TMEM255B: variants seen among roughly 807,000 people sequenced by gnomAD.
TMEM255B encodes the protein family with sequence similarity 70, member B.
A neutral mutation model predicts 34.5 loss-of-function variants in TMEM255B; 35 were observed. The ratio of observed to expected loss-of-function variants is 1.01; its 90% CI spans 0.77 to 1.34. TMEM255B has a LOEUF of 1.34. TMEM255B is among the 40% of genes most tolerant of loss of function. TMEM255B has a pLI of 0.00. For synonymous variants in TMEM255B, 206 were observed against 201.2 expected (o/e 1.02, Z -0.20); for missense variants, 432 against 433.2 (o/e 1.00, Z 0.02).
intron 3 of TMEM255B, among the ~76,000 whole-genome samples, chr13:113,787,067 A>G (rs1354123836): frequency 2.0e-5 from 3 of 152,230 alleles, no homozygotes; most frequent in Admixed American, 6.5e-5. Context: ...GGACTCTGAC[A>G]CTTTAATGAA....
Position 113,814,292 on chromosome 13 carries a change from T to A in TMEM255B, c.*2389T>A, listed in dbSNP as rs1458092954. ...AGCAAAGTCACAGGAATAACCCTCC[T>A]TCCCCTCATGTCAGCCCTCGGTCGC... On this transcript the variant is annotated 3_prime_UTR_variant, in exon 9 of 9. Coordinates refer to ENST00000375353, the MANE Select transcript of TMEM255B (RefSeq NM_182614.4). The A allele has an allele frequency of 6.6e-6, 1 of 152,294 alleles. No homozygotes were observed. The highest frequency in any genetic ancestry group is 1.5e-5 in the Non-Finnish European group (1 of 68,102). 9.4% of individuals were successfully genotyped at this position (152,294 alleles called of 1,614,324 possible).
chr13:113,760,072 C>T (rs1350498548), intron 1 of TMEM255B, among the ~76,000 whole-genome samples: 1 of 152,114 alleles, frequency 6.6e-6, no homozygotes, highest in Non-Finnish European at 1.5e-5. Flanking sequence ...AAACAGAGTT[C>T]CCTAGAAAGT....
intron 3 of TMEM255B, among the ~76,000 whole-genome samples, chr13:113,783,108 C>T (rs1288013511): frequency 6.6e-6 from 1 of 152,016 alleles, no homozygotes; most frequent in Non-Finnish European, 1.5e-5. Flanking sequence ...AAAAGTTTGA[C>T]CTTCTCTAGA....
At chr13:113,772,877 A>G (rs571137573) in intron 3 of TMEM255B, among the ~76,000 whole-genome samples, 23 of 152,284 alleles carry the variant, frequency 1.5e-4, no homozygotes, top group Admixed American at 1.4e-3. Context: ...TACGTTGGCA[A>G]TTCTGAATCC....
At chr13:113,796,217 A>C (rs868304617) in intron 4 of TMEM255B, among the ~76,000 whole-genome samples, 5 of 150,552 alleles carry the variant, frequency 3.3e-5, no homozygotes, top group African/African-American at 4.9e-5. Context: ...CACAGAGCAC[A>C]CAGCACACAC....
intron 3 of TMEM255B, among the ~76,000 whole-genome samples, chr13:113,771,628 G>A (rs757479094): frequency 4.6e-5 from 7 of 152,250 alleles, no homozygotes; most frequent in Middle Eastern, 3.4e-3. Context: ...GCGGTGAGCC[G>A]AGATTGAGCC....
intron 3 of TMEM255B, among the ~76,000 whole-genome samples, chr13:113,777,333 T>A (rs1379907221): frequency 6.6e-6 from 1 of 152,108 alleles, no homozygotes; most frequent in Non-Finnish European, 1.5e-5. Flanking sequence ...ACACCTGGAT[T>A]TGAACCCAGA....
chr13:113,790,097 A>C (rs1399276860), intron 3 of TMEM255B, among the ~76,000 whole-genome samples: 1 of 151,126 alleles, frequency 6.6e-6, no homozygotes, highest in Non-Finnish European at 1.5e-5. Context: ...TGGACATCCT[A>C]GTGCTGGACT....
chr13:113,788,663 G>T (rs1376528702), intron 3 of TMEM255B, among the ~76,000 whole-genome samples: 1 of 152,116 alleles, frequency 6.6e-6, no homozygotes, highest in Non-Finnish European at 1.5e-5. Context: ...TCCGGGCCCT[G>T]GCTCTGTGCC....
intron 3 of TMEM255B, among the ~76,000 whole-genome samples, chr13:113,785,869 C>T (rs1046697558): frequency 1.1e-4 from 16 of 152,228 alleles, no homozygotes; most frequent in African/African-American, 2.6e-4. Context: ...TGTGTCTTCT[C>T]GGACACTCCC....
intron 4 of TMEM255B, 56 bp downstream of exon 4, chr13:113,795,293 T>TG: frequency 1.3e-6 from 2 of 1,550,828 alleles, no homozygotes; most frequent in Non-Finnish European, 1.8e-6. Flanking sequence ...AGAGTCGACG[T>TG]GAAAAAAGTA....
Position 113,815,478 on chromosome 13 carries a change from C to A in TMEM255B, c.*3575C>A, listed in dbSNP as rs747522684. On this transcript the variant is annotated 3_prime_UTR_variant, in exon 9 of 9. Transcript: ENST00000375353. The stretch of plus-strand genomic sequence containing the variant: ...TGAATTGTATTTCCCAGAATTCCTG[C>A]GCGTTGTGGGAGGGACCCAGCGGGA... 6.6e-6 allele frequency: 1 copy of A among 152,190 alleles called. No homozygotes were observed. The highest frequency in any genetic ancestry group is 2.1e-4 in the South Asian group (1 of 4,846). 9.4% of individuals were successfully genotyped at this position (152,190 alleles called of 1,614,324 possible). A position where few individuals can be genotyped will look rare whatever the true frequency, so the allele number is the denominator to read the frequency against.
intron 3 of TMEM255B, among the ~76,000 whole-genome samples, chr13:113,774,766 CACACAA>C (rs1206245299): frequency 8.3e-5 from 12 of 143,912 alleles, no homozygotes; most frequent in African/African-American, 2.9e-4. Context: ...CCACACACCA[CACACAA>C]CACACAATAC....
At chr13:113,788,682 C>T (rs1022147735) in intron 3 of TMEM255B, among the ~76,000 whole-genome samples, 1 of 152,132 alleles carries the variant, frequency 6.6e-6, no homozygotes, top group Non-Finnish European at 1.5e-5. Context: ...CCGTCATCAG[C>T]ACGGTGTCAC....
chr13:113,812,854 CAT>C lies in TMEM255B; in HGVS notation c.*952_*953del, dbSNP rs370190404. 5.6e-4 allele frequency: 56 copies of C among 99,590 alleles called. No individual in the cohort carries two copies. Among genetic ancestry groups the C allele is most frequent in the Middle Eastern group, 4.5e-3 (1 of 224 alleles). The allele number at this position is 99,590 out of a possible 1,614,324, so 6.2% of individuals were successfully genotyped here. The stretch of plus-strand genomic sequence containing the variant: ...TCACAGGTCCCGGGTGGGTCACAGG[CAT>C]CCCGGGTGGGTCACAGGTCCCGAGT... On this transcript the variant is annotated 3_prime_UTR_variant, in exon 9 of 9. Transcript: ENST00000375353.
chr13:113,812,891 GCCCCGGGTGAGTC>G lies in TMEM255B; in HGVS notation c.*989_*1001del. The G allele has an allele frequency of 3.0e-5, 5 of 164,502 alleles. No homozygotes were observed. Among genetic ancestry groups the G allele is most frequent in the African/African-American group, 9.9e-5 (4 of 40,298 alleles). The allele number at this position is 164,502 out of a possible 1,614,324, so 10.2% of individuals were successfully genotyped here. ...GTCACAGGTCCCGAGTGGGTCACAG[GCCCCGGGTGAGTC>G]ACAGGCCCCGGGTGAGTCACGGGTC... On this transcript the variant is annotated 3_prime_UTR_variant, in exon 9 of 9. Coordinates refer to ENST00000375353, the MANE Select transcript of TMEM255B (RefSeq NM_182614.4).
chr13:113,778,080 G>A lies in TMEM255B; in HGVS notation c.252+8920G>A, dbSNP rs2050608194. Among the ~76,000 whole-genome samples, 4 of 152,336 alleles carry A rather than the reference G, an allele frequency of 2.6e-5. No individual in the cohort carries two copies. In the South Asian group the frequency reaches 8.3e-4, roughly 32 times the overall value. On this transcript the variant is annotated intron_variant, in intron 3 of 8. Coordinates refer to ENST00000375353, the MANE Select transcript of TMEM255B (RefSeq NM_182614.4). ...ACTAGTCCTGAGCTTGTCAGGAGACGTGGATGGGATGCATTCCTGTAGAGG... is the reference window on the plus strand; with the variant it reads ...ACTAGTCCTGAGCTTGTCAGGAGACATGGATGGGATGCATTCCTGTAGAGG...
chr13:113,779,438 A>G (rs2050633107), intron 3 of TMEM255B, among the ~76,000 whole-genome samples: 1 of 152,100 alleles, frequency 6.6e-6, no homozygotes, highest in Non-Finnish European at 1.5e-5. Context: ...TAGGAGTGGA[A>G]GAGGTGGATT....
chr13:113,781,437 T>A (rs1004595779), intron 3 of TMEM255B, among the ~76,000 whole-genome samples: 2 of 152,272 alleles, frequency 1.3e-5, no homozygotes, highest in Admixed American at 6.5e-5. Context: ...ATAATCTTTT[T>A]ACCAAAAGTA....
Sources: allele counts gnomAD v4.1 joint callset (sites outside exome capture counted in the v4.1 genomes callset), GRCh38; gene constraint gnomAD v4.1.1; transcripts MANE v1.5; gene names NCBI Gene and HGNC (gene_info 2026-07-23, HGNC 2026-07-21).